MAML2: variants seen among roughly 807,000 people sequenced by gnomAD.
The protein encoded by MAML2 is mastermind-like protein 2.
In MAML2, 22 loss-of-function variants were observed where a neutral mutation model predicts 96.1. The ratio of observed to expected loss-of-function variants is 0.23; its 90% CI spans 0.16 to 0.33. The LOEUF is 0.33. Ranked by LOEUF, MAML2 falls within the 10% of genes least tolerant of loss-of-function variation. The pLI is 1.00. For synonymous variants in MAML2, 561 were observed against 521.3 expected, an observed-to-expected ratio of 1.08 and a Z score of -1.04; for missense variants, 1,367 against 1,392.4, an observed-to-expected ratio of 0.98 and a Z score of 0.29.
At chr11:96,013,503 T>C (rs2135729745) in intron 2 of MAML2, among the ~76,000 whole-genome samples, 1 of 152,254 alleles carries the variant, frequency 6.6e-6, no homozygotes, top group Admixed American at 6.5e-5. Flanking sequence ...TGGCAAGGGC[T>C]CCACTCCAAC....
At position 96,253,862 on chromosome 11, in the gene MAML2, G is replaced by C. The variant is rs548531835; in HGVS notation, c.513+87521C>G. Among the ~76,000 whole-genome samples, 46 of 152,240 alleles carry C rather than the reference G, an allele frequency of 3.0e-4. No individual in the cohort carries two copies. In the South Asian group the frequency reaches 8.3e-3, roughly 27 times the overall value. Reference sequence around the variant, plus strand: ...CAAGGCATCTGATAGCTCCAGCATAGGATACTGTGACTGCTCCAGATAGAT... The same window carrying C: ...CAAGGCATCTGATAGCTCCAGCATACGATACTGTGACTGCTCCAGATAGAT... On this transcript the variant is annotated intron_variant, in intron 1 of 4. Coordinates refer to ENST00000524717, the MANE Select transcript of MAML2 (RefSeq NM_032427.4).
At chr11:96,142,586 A>G (rs570338965) in intron 1 of MAML2, among the ~76,000 whole-genome samples, 1 of 152,240 alleles carries the variant, frequency 6.6e-6, no homozygotes, top group Non-Finnish European at 1.5e-5. Context: ...TTACATAGGC[A>G]AACAGTATTC....
chr11:96,054,814 T>A (rs1233642933), intron 2 of MAML2, among the ~76,000 whole-genome samples: 1 of 152,090 alleles, frequency 6.6e-6, no homozygotes, highest in Non-Finnish European at 1.5e-5. Flanking sequence ...AAATAAAGAG[T>A]TTGAGGATCT....
chr11:96,072,399 T>C (rs545408916), intron 2 of MAML2, among the ~76,000 whole-genome samples: 10 of 152,202 alleles, frequency 6.6e-5, no homozygotes, highest in Non-Finnish European at 1.2e-4. Flanking sequence ...AAATCAGAAG[T>C]TCACAGTTCT....
intron 2 of MAML2, among the ~76,000 whole-genome samples, chr11:96,042,741 G>GCTC (rs1858835492): frequency 8.7e-6 from 1 of 114,798 alleles, no homozygotes; most frequent in Non-Finnish European, 1.7e-5. Context: ...AATCGTTAAC[G>GCTC]TTCTTTTTTT....
At chr11:96,313,989 A>G (rs1158872830) in intron 1 of MAML2, among the ~76,000 whole-genome samples, 1 of 152,196 alleles carries the variant, frequency 6.6e-6, no homozygotes, top group Admixed American at 6.5e-5. Context: ...GAGTAGGAGC[A>G]CAGTAATTCA....
intron 1 of MAML2, among the ~76,000 whole-genome samples, chr11:96,298,736 T>TTATATA (rs10660464): frequency 6.9e-6 from 1 of 145,420 alleles, no homozygotes; most frequent in Non-Finnish European, 1.5e-5. Flanking sequence ...ATACATAATA[T>TTATATA]TATATATATA....
intron 1 of MAML2, among the ~76,000 whole-genome samples, chr11:96,172,190 T>C (rs2186583): frequency 6.6e-6 from 1 of 152,252 alleles, no homozygotes; most frequent in African/African-American, 2.4e-5. Flanking sequence ...TTTGAATGAA[T>C]ACATGAATGC....
intron 1 of MAML2, among the ~76,000 whole-genome samples, chr11:96,254,826 T>G (rs1862638536): frequency 6.6e-6 from 1 of 152,168 alleles, no homozygotes; most frequent in Admixed American, 6.5e-5. Context: ...TTTTTATTTT[T>G]TATTTATTTT....
intron 2 of MAML2, among the ~76,000 whole-genome samples, chr11:96,035,276 C>A (rs1011735870): frequency 6.6e-6 from 1 of 152,160 alleles, no homozygotes; most frequent in African/African-American, 2.4e-5. Flanking sequence ...TGGAAGAAAG[C>A]TATGCGAAGC....
chr11:96,120,788 C>G (rs1436259463), intron 1 of MAML2, among the ~76,000 whole-genome samples: 5 of 152,064 alleles, frequency 3.3e-5, no homozygotes, highest in Admixed American at 2.6e-4. Flanking sequence ...TTAAAAGAGT[C>G]CCTGGATGAT....
intron 1 of MAML2, among the ~76,000 whole-genome samples, chr11:96,186,069 C>A (rs913315218): frequency 2.8e-4 from 43 of 152,264 alleles, no homozygotes; most frequent in African/African-American, 9.1e-4. Context: ...TGTATAGAAC[C>A]CACAAATTCT....
intron 2 of MAML2, among the ~76,000 whole-genome samples, chr11:96,081,959 T>A (rs1374252480): frequency 1.3e-5 from 2 of 152,352 alleles, no homozygotes; most frequent in Middle Eastern, 3.4e-3. Context: ...CCATTTCATT[T>A]TCGTTGATTT....
At chr11:96,190,442 T>C (rs1409675620) in intron 1 of MAML2, among the ~76,000 whole-genome samples, 14 of 152,188 alleles carry the variant, frequency 9.2e-5, no homozygotes. Flanking sequence ...TGTAATGAGT[T>C]ATACATCCAT....
At chr11:96,143,432 T>A (rs1224443455) in intron 1 of MAML2, among the ~76,000 whole-genome samples, 3 of 152,186 alleles carry the variant, frequency 2.0e-5, no homozygotes, top group Non-Finnish European at 4.4e-5. Flanking sequence ...TATTATGGAT[T>A]TTAAGTTGCA....
intron 1 of MAML2, among the ~76,000 whole-genome samples, chr11:96,123,339 G>T (rs1423783140): frequency 1.3e-5 from 2 of 151,862 alleles, no homozygotes; most frequent in Non-Finnish European, 2.9e-5. Context: ...GCTTCTACAG[G>T]TGACAGCTCC....
At chr11:96,005,775 A>G (rs1192804826) in intron 2 of MAML2, among the ~76,000 whole-genome samples, 1 of 152,218 alleles carries the variant, frequency 6.6e-6, no homozygotes, top group African/African-American at 2.4e-5. Context: ...TAATTCTAAC[A>G]AAAGATTCAT....
rs576212696 is a variant in MAML2 at position 96,264,296 on chromosome 11, A to G, written c.513+77087T>C. Among the ~76,000 whole-genome samples the G allele has an allele frequency of 6.6e-5, 10 of 152,330 alleles. No individual in the cohort carries two copies. In the East Asian group the frequency reaches 7.7e-4, roughly 12 times the overall value. ...CATGTGTTCGTTTTTTATAAGGCCC[A>G]GACCCCCATTCAGTTTAGTATCTGG... On this transcript the variant is annotated intron_variant, in intron 1 of 4. Coordinates refer to ENST00000524717, the MANE Select transcript of MAML2 (RefSeq NM_032427.4).
At chr11:96,276,374 G>A (rs1487451560) in intron 1 of MAML2, among the ~76,000 whole-genome samples, 1 of 152,152 alleles carries the variant, frequency 6.6e-6, no homozygotes, top group Non-Finnish European at 1.5e-5. Context: ...TGCCTATAGA[G>A]AGGACAGGAA....
Sources: allele counts gnomAD v4.1 joint callset (sites outside exome capture counted in the v4.1 genomes callset), GRCh38; gene constraint gnomAD v4.1.1; transcripts MANE v1.5; gene names NCBI Gene and HGNC (gene_info 2026-07-23, HGNC 2026-07-21).